The following ZNF254 variants were observed in gnomAD, a reference collection of about 807,000 sequenced individuals.
ZNF254 encodes zinc finger protein 254, also known as CTD-2017D11.1.
A neutral mutation model predicts 12.4 loss-of-function variants in ZNF254; 10 were observed. That is an observed-to-expected ratio of 0.80 (90% confidence interval 0.50 to 1.36). The LOEUF is 1.36. ZNF254 is among the 40% of genes most tolerant of loss of function. The probability of loss-of-function intolerance (pLI) is 0.00; values close to 1 mark genes in which losing one functional copy is unlikely to be tolerated. For missense variants in ZNF254, 996 were observed against 763.9 expected (o/e 1.30, Z -3.58); for synonymous variants, 305 against 253.4 (o/e 1.20, Z -1.93).
intron 1 of ZNF254, among the ~76,000 whole-genome samples, chr19:24,037,374 A>G (rs1970005159): frequency 6.6e-6 from 1 of 152,208 alleles, no homozygotes; most frequent in Non-Finnish European, 1.5e-5. Flanking sequence ...CCTTGAAAAT[A>G]AAAGATTTTT....
Position 24,087,217 on chromosome 19 carries a change from A to C in ZNF254, c.-91A>C, listed in dbSNP as rs1599673784. ...TGTCTCTCGCTGTCGCCGGAGTCCC[A>C]GGTCTGTCTTCACTGCTCTGTGTCC... On this transcript the variant is annotated 5_prime_UTR_variant, in exon 1 of 4. Coordinates refer to ENST00000357002, the MANE Select transcript of ZNF254 (RefSeq NM_203282.4). The C allele has an allele frequency of 3.2e-6, 5 of 1,568,490 alleles. No homozygotes were observed. In the East Asian group the frequency reaches 1.1e-4, roughly 35 times the overall value.
At chr19:24,037,527 G>A (rs961576215) in intron 1 of ZNF254, among the ~76,000 whole-genome samples, 2 of 151,824 alleles carry the variant, frequency 1.3e-5, no homozygotes, top group African/African-American at 4.8e-5. Context: ...TCCACCTCCT[G>A]GGCTCAAGCA....
intron 1 of ZNF254, among the ~76,000 whole-genome samples, chr19:24,038,685 A>G (rs1160416019): frequency 1.3e-5 from 2 of 152,204 alleles, no homozygotes; most frequent in Non-Finnish European, 2.9e-5. Flanking sequence ...TCCATTCACA[A>G]CACACAATTG....
Position 24,060,551 on chromosome 19 carries a change from GTA to G in ZNF254, c.-94+14273_-94+14274del, listed in dbSNP as rs1352162145. Reference sequence around the variant, plus strand: ...CTTTCTTACCTGGGCTTTGCCAATAGTAGAGCTTGTGACCTATCTCTGGGCCC... The same window carrying G: ...CTTTCTTACCTGGGCTTTGCCAATAGGAGCTTGTGACCTATCTCTGGGCCC... On this transcript the variant is annotated intron_variant, in intron 2 of 4. Transcript: ENST00000613065. 3.3e-5 allele frequency among the ~76,000 whole-genome samples: 5 copies of G among 152,282 alleles called. No individual in the cohort carries two copies. The South Asian group carries it at 1.0e-3, about 32-fold the overall frequency.
chr19:24,082,366 G>C (rs1971873631), upstream of ZNF254, among the ~76,000 whole-genome samples: 1 of 143,990 alleles, frequency 6.9e-6, no homozygotes, highest in African/African-American at 2.6e-5. Context: ...CAAAAACTGG[G>C]CCAGACACAG....
Position 24,127,231 on chromosome 19 carries a change from T to A in ZNF254, c.1231T>A (p.Cys411Ser). 1 of 1,613,126 alleles carries A rather than the reference T, an allele frequency of 6.2e-7. No homozygotes were observed. Among genetic ancestry groups the A allele is most frequent in the South Asian group, 1.1e-5 (1 of 91,038 alleles). Reference protein sequence around the residue: ...VGEKLYKCEECGKGFNRSSNL... With the variant: ...VGEKLYKCEESGKGFNRSSNL... ...AGAGAAACTCTACAAATGTGAAGAA[T>A]GCGGCAAAGGTTTTAATCGATCTTC... Residue 411 changes from cysteine to serine, a missense_variant, in exon 4 of 4, where the codon TGC becomes AGC. Physicochemically the swap from Cys to Ser is moderately radical, Grantham distance 112 (BLOSUM62 -1). Coordinates refer to ENST00000357002, the MANE Select transcript of ZNF254 (RefSeq NM_203282.4).
chr19:24,057,148 A>C (rs1970888933), intron 2 of ZNF254, among the ~76,000 whole-genome samples: 1 of 152,216 alleles, frequency 6.6e-6, no homozygotes, highest in African/African-American at 2.4e-5. Context: ...TGGTATACAG[A>C]GTGTCATAAC....
At chr19:24,051,749 C>T (rs866431600) in intron 2 of ZNF254, among the ~76,000 whole-genome samples, 7 of 147,244 alleles carry the variant, frequency 4.8e-5, no homozygotes, top group South Asian at 2.2e-4. Context: ...CTAGGTGATG[C>T]GACACTCCTC....
At chr19:24,125,566 G>A (rs1974779672) in intron 3 of ZNF254, among the ~76,000 whole-genome samples, 1 of 151,956 alleles carries the variant, frequency 6.6e-6, no homozygotes. Context: ...GGCATATTCT[G>A]AAAACAATTG....
Position 24,127,235 on chromosome 19 carries a change from G to T in ZNF254, c.1235G>T (p.Gly412Val). 1.9e-6 allele frequency: 3 copies of T among 1,612,836 alleles called. No homozygotes were observed. Among genetic ancestry groups the T allele is most frequent in the Non-Finnish European group, 2.5e-6 (3 of 1,179,532 alleles). Residue 412 changes from glycine (G) to valine (V), a missense_variant, in exon 4 of 4, where the codon GGC (glycine) becomes GTC (valine). Gly to Val is a moderately radical substitution (Grantham distance 109). Transcript: ENST00000357002. The stretch of plus-strand genomic sequence containing the variant: ...AAACTCTACAAATGTGAAGAATGCG[G>T]CAAAGGTTTTAATCGATCTTCAAAT... ...GEKLYKCEEC[G>V]KGFNRSSNLT...
At chr19:24,119,490 C>A (rs543168169) in intron 3 of ZNF254, among the ~76,000 whole-genome samples, 1 of 152,156 alleles carries the variant, frequency 6.6e-6, no homozygotes, top group African/African-American at 2.4e-5. Context: ...CCATTCCTGG[C>A]CTTATTTGTT....
rs377098502 is a variant in ZNF254, at chr19:24,088,624, G to T, written c.30+1287G>T. On this transcript the variant is annotated intron_variant, in intron 1 of 3. Transcript: ENST00000357002. ...CTATTTGTCCTTTAGGGTAGATTTTGATACCTGTTTTAATTTTTATTTATT... is the reference window on the plus strand; with the variant it reads ...CTATTTGTCCTTTAGGGTAGATTTTTATACCTGTTTTAATTTTTATTTATT... 2.4e-4 allele frequency among the ~76,000 whole-genome samples: 37 copies of T among 152,088 alleles called. 1 individual carries two copies. In the South Asian group the frequency reaches 5.4e-3, roughly 22 times the overall value.
At chr19:24,099,227 G>A (rs1404524379) in intron 1 of ZNF254, among the ~76,000 whole-genome samples, 8 of 148,056 alleles carry the variant, frequency 5.4e-5, no homozygotes, top group Non-Finnish European at 8.9e-5. Flanking sequence ...GGCTGGTCTC[G>A]AACTCCTGAC....
intron 2 of ZNF254, among the ~76,000 whole-genome samples, chr19:24,048,262 A>G (rs1378699733): frequency 6.6e-6 from 1 of 151,982 alleles, no homozygotes; most frequent in Non-Finnish European, 1.5e-5. Flanking sequence ...CAGCAGACTT[A>G]GAGGCCGGCC....
rs551928030 is a variant in ZNF254 at position 24,074,963 on chromosome 19, G to T, written c.-94+28684G>T. 9.5e-4 allele frequency among the ~76,000 whole-genome samples: 144 copies of T among 152,314 alleles called. 1 individual carries two copies. The highest frequency in any genetic ancestry group is 3.4e-3 in the African/African-American group (140 of 41,580). ...AACCTAAATGATGTGACTCTTCTAT[G>T]GCTTGGGCTCTGCCCAAAATATGAC... On this transcript the variant is annotated intron_variant, in intron 2 of 4. Coordinates refer to the ZNF254 transcript ENST00000613065.
At chr19:24,086,645 T>C (rs1972051270), upstream of ZNF254, among the ~76,000 whole-genome samples, 1 of 151,990 alleles carries the variant, frequency 6.6e-6, no homozygotes, top group Non-Finnish European at 1.5e-5. Flanking sequence ...GCCCAGCTAA[T>C]TTTGTATTTT....
rs764449404 is a variant in ZNF254, at chr19:24,125,222, CT to C, written c.254-1017del. 3.8e-3 allele frequency among the ~76,000 whole-genome samples: 498 copies of C among 130,652 alleles called. 1 individual carries two copies. The highest frequency in any genetic ancestry group is 6.0e-3 in the Non-Finnish European group (359 of 60,160). 85.7% of individuals were successfully genotyped at this position (130,652 alleles called of 152,430 possible). A position where few individuals can be genotyped will look rare whatever the true frequency, so the allele number is the denominator to read the frequency against. ...TTGTTGAGCTTTTTTATTTTTACAT[CT>C]TTTTTTTTTTTTTTACTTTTAGGAT... On this transcript the variant is annotated intron_variant, in intron 3 of 3. Coordinates refer to ENST00000357002, the MANE Select transcript of ZNF254 (RefSeq NM_203282.4).
chr19:24,112,446 TC>T (rs1163776961), intron 3 of ZNF254, among the ~76,000 whole-genome samples: 1 of 147,940 alleles, frequency 6.8e-6, no homozygotes, highest in Non-Finnish European at 1.5e-5. Context: ...CTTTTTTGGT[TC>T]CATATGAACT....
rs748906858 is a variant in ZNF254, at chr19:24,126,904, G to T, written c.904G>T (p.Ala302Ser). The T allele has an allele frequency of 1.2e-6, 2 of 1,613,388 alleles. No homozygotes were observed. Among genetic ancestry groups the T allele is most frequent in the Non-Finnish European group, 1.7e-6 (2 of 1,179,708 alleles). The change falls in exon 4 of 4, where the codon GCA becomes TCA. Residue 302 changes from alanine to serine, a missense_variant. Physicochemically the swap from Ala to Ser is moderately conservative, Grantham distance 99 (BLOSUM62 1). Transcript: ENST00000357002. ...KPYKCEECGKAFIWSSTLTEH... is the reference protein window; with the variant it reads ...KPYKCEECGKSFIWSSTLTEH... ...TTACAAGTGTGAAGAATGTGGCAAA[G>T]CATTTATCTGGTCCTCAACCCTTAC...
Sources: gnomAD v4.1 joint callset for allele counts (sites outside exome capture counted in the v4.1 genomes callset) on GRCh38, gnomAD v4.1.1 for gene constraint, MANE v1.5 for transcripts, NCBI Gene and HGNC (gene_info 2026-07-23, HGNC 2026-07-21) for gene names.